RXRA: variants seen among roughly 807,000 people sequenced by gnomAD.
RXRA encodes the protein retinoid X receptor alpha, also known as retinoic acid receptor RXR-alpha.
RXRA carries 5 observed loss-of-function variants against 44.5 expected under a neutral mutation model. That is an observed-to-expected ratio of 0.11 (90% CI 0.06 to 0.24). The LOEUF is 0.24. Ranked by LOEUF, RXRA falls within the 10% of genes least tolerant of loss-of-function variation. RXRA has a pLI of 1.00. For synonymous variants in RXRA, 291 were observed against 271.4 expected, an observed-to-expected ratio of 1.07 and a Z score of -0.71; for missense variants, 412 against 646.5, an observed-to-expected ratio of 0.64 and a Z score of 3.93.
chr9:134,351,341 G>A (rs1242282067), intron 1 of RXRA, among the ~76,000 whole-genome samples: 2 of 152,252 alleles, frequency 1.3e-5, no homozygotes. Context: ...TATGCCAGCA[G>A]CGGGCAGAGG....
At chr9:134,390,910 C>T (rs1039258684) in intron 1 of RXRA, among the ~76,000 whole-genome samples, 1 of 152,092 alleles carries the variant, frequency 6.6e-6, no homozygotes, top group African/African-American at 2.4e-5. Context: ...GCTTATGGCA[C>T]GGGTGTGGAG....
chr9:134,427,752 C>T (rs531076264), intron 6 of RXRA, among the ~76,000 whole-genome samples: 1 of 152,338 alleles, frequency 6.6e-6, no homozygotes, highest in African/African-American at 2.4e-5. Flanking sequence ...CCACCAACTT[C>T]TTGCTGATCA....
Position 134,433,978 on chromosome 9 carries a change from C to T in RXRA, c.1136-124C>T, listed in dbSNP as rs998966547. 2 of 679,208 alleles carry T rather than the reference C, an allele frequency of 2.9e-6. No individual in the cohort carries two copies. The highest frequency in any genetic ancestry group is 5.0e-6 in the Non-Finnish European group (2 of 397,792). 42.1% of individuals were successfully genotyped at this position (679,208 alleles called of 1,614,324 possible). ...GGCGGAGGCATGTCCAGCGGCATTCCTCCACCACCTGCTCTGCCCATGGTG... is the reference window on the plus strand; with the variant it reads ...GGCGGAGGCATGTCCAGCGGCATTCTTCCACCACCTGCTCTGCCCATGGTG... On this transcript the variant is annotated intron_variant, in intron 8 of 9. Transcript: ENST00000481739. The surrounding 1 kb of genome is among the most constrained non-coding windows in gnomAD (Gnocchi z 4.2).
rs1434301677 is a variant in RXRA at position 134,440,319 on chromosome 9, G to A, written c.*3705G>A. 6.6e-6 allele frequency: 1 copy of A among 152,322 alleles called. No homozygotes were observed. Among genetic ancestry groups the A allele is most frequent in the Admixed American group, 6.6e-5 (1 of 15,264 alleles). 9.4% of individuals were successfully genotyped at this position (152,322 alleles called of 1,614,324 possible). A position where few individuals can be genotyped will look rare whatever the true frequency, so the allele number is the denominator to read the frequency against. On this transcript the variant is annotated 3_prime_UTR_variant, in exon 10 of 10. Transcript: ENST00000481739. ...GGGGTGTCTTCCCTCGGGGCAGGAG[G>A]GTGGGCCTGAGGCTTTCAAGGGTTT...
chr9:134,424,052 C>T, intron 6 of RXRA: 1 of 985,424 alleles, frequency 1.0e-6, no homozygotes, highest in South Asian at 4.7e-5. Flanking sequence ...GTTCTGGCAG[C>T]TTCTGGCTCC....
chr9:134,430,251 C>T (rs574152003), intron 7 of RXRA, among the ~76,000 whole-genome samples: 8 of 152,306 alleles, frequency 5.3e-5, no homozygotes, highest in Middle Eastern at 3.4e-3. Flanking sequence ...TTCTGGGGAC[C>T]GGATGTCAGC....
At chr9:134,403,985 G>T (rs1430745593) in intron 2 of RXRA, 2 of 152,262 alleles carry the variant, frequency 1.3e-5, no homozygotes, top group Admixed American at 6.5e-5. Flanking sequence ...CTTGGCCCTG[G>T]TTCCCCAGAA....
At chr9:134,412,722 G>GGAC (rs1406715428) in intron 4 of RXRA, among the ~76,000 whole-genome samples, 1 of 152,188 alleles carries the variant, frequency 6.6e-6, no homozygotes, top group African/African-American at 2.4e-5. Context: ...CAGGGGTTGG[G>GGAC]GGTCCCGCAG....
Position 134,343,934 on chromosome 9 carries a change from G to T in RXRA, c.28+17275G>T, listed in dbSNP as rs189514197. Among the ~76,000 whole-genome samples, 4 of 152,280 alleles carry T rather than the reference G, an allele frequency of 2.6e-5. No homozygotes were observed. The East Asian group carries it at 7.7e-4, about 29-fold the overall frequency. On this transcript the variant is annotated intron_variant, in intron 1 of 9. Coordinates refer to ENST00000481739, the MANE Select transcript of RXRA (RefSeq NM_002957.6). The surrounding 1 kb of genome is among the most constrained non-coding windows in gnomAD (Gnocchi z 4.1). ...GCCCTCGTGGCCCTACCACAGTGGGGTGGGCATCTCCCCATAGGCCCTCCC... is the reference window on the plus strand; with the variant it reads ...GCCCTCGTGGCCCTACCACAGTGGGTTGGGCATCTCCCCATAGGCCCTCCC...
chr9:134,436,366 T>C (rs1053911951), intron 9 of RXRA, 101 bp from the exon 10 acceptor site: 8 of 1,164,708 alleles, frequency 6.9e-6, no homozygotes, highest in Non-Finnish European at 9.9e-6. Context: ...CTCAGAGGGG[T>C]TGGGGTATCA....
chr9:134,364,026 G>A (rs1262765814), intron 1 of RXRA, among the ~76,000 whole-genome samples: 4 of 152,200 alleles, frequency 2.6e-5, no homozygotes, highest in African/African-American at 4.8e-5. Context: ...CCCTCCTTCA[G>A]CCCATGTTTC....
At chr9:134,347,568 C>T (rs782521814) in intron 1 of RXRA, among the ~76,000 whole-genome samples, 62 of 152,274 alleles carry the variant, frequency 4.1e-4, no homozygotes, top group South Asian at 1.9e-3. Context: ...TGGGGGAGGA[C>T]GGCCAGGGGC....
intron 6 of RXRA, chr9:134,424,169 C>T (rs1175984510): frequency 3.0e-6 from 3 of 985,210 alleles, no homozygotes; most frequent in Admixed American, 1.2e-4. Flanking sequence ...CTGTGGCTGT[C>T]CCTCTTAGGT....
At chr9:134,412,535 G>A (rs1383576585) in intron 4 of RXRA, among the ~76,000 whole-genome samples, 2 of 152,196 alleles carry the variant, frequency 1.3e-5, no homozygotes, top group African/African-American at 4.8e-5. Context: ...GATACCACAG[G>A]CTGATAGCAT....
rs1033825715 is a variant in RXRA at position 134,431,992 on chromosome 9, C to T, written c.1131C>T (p.Asn377=). The change falls in exon 8 of 10, where the codon AAC becomes AAT. Residue 377 remains asparagine (N), a synonymous_variant. Coordinates refer to ENST00000481739, the MANE Select transcript of RXRA (RefSeq NM_002957.6). ...LGCLRAIVLF[N]PDSKGLSNPA... Reference sequence around the variant, plus strand: ...GCCTGCGCGCCATCGTCCTCTTTAACCCTGGTATGGCCTTCCTGCCTTGAG... The same window carrying T: ...GCCTGCGCGCCATCGTCCTCTTTAATCCTGGTATGGCCTTCCTGCCTTGAG... 2.5e-6 allele frequency: 4 copies of T among 1,612,848 alleles called. No individual in the cohort carries two copies. The African/African-American group carries it at 5.3e-5, about 22-fold the overall frequency.
intron 2 of RXRA, chr9:134,402,388 C>T (rs910353992): frequency 1.3e-5 from 2 of 156,296 alleles, no homozygotes; most frequent in East Asian, 1.9e-4. Context: ...GGTGTGGCAG[C>T]GGTGCTCTGT....
At chr9:134,423,574 C>T (rs765774784) in intron 6 of RXRA, 47 of 985,202 alleles carry the variant, frequency 4.8e-5, no homozygotes, top group Admixed American at 1.2e-4. Flanking sequence ...TACTGGGCCC[C>T]GCCGGAGGAG....
chr9:134,404,186 G>A (rs185123696), intron 2 of RXRA: 15 of 152,366 alleles, frequency 9.8e-5, no homozygotes, highest in African/African-American at 3.6e-4. Flanking sequence ...GACTTCTGCT[G>A]CTGTTGGGGA....
intron 1 of RXRA, among the ~76,000 whole-genome samples, chr9:134,398,057 G>T (rs897264641): frequency 1.3e-5 from 2 of 151,932 alleles, no homozygotes; most frequent in African/African-American, 4.8e-5. Flanking sequence ...TCTGCTTACT[G>T]CAACCTCCGC....
Sources: gnomAD v4.1 joint callset for allele counts (sites outside exome capture counted in the v4.1 genomes callset) on GRCh38, gnomAD v4.1.1 for gene constraint, Gnocchi (gnomAD v3.1) non-coding constraint, MANE v1.5 for transcripts, NCBI Gene and HGNC (gene_info 2026-07-23, HGNC 2026-07-21) for gene names.